The following CORO2B variants were observed in gnomAD, a reference collection of about 807,000 sequenced individuals.
CORO2B encodes coronin 2B.
In CORO2B, 26 loss-of-function variants were observed where a neutral mutation model predicts 58.8. The observed-to-expected ratio is 0.44, with a 90% confidence interval of 0.32 to 0.61. The LOEUF (loss-of-function observed/expected upper bound fraction) is 0.61, where lower values mean the gene tolerates loss of function less well. CORO2B is among the 20% of genes least tolerant of loss of function. CORO2B has a pLI of 0.04. For missense variants in CORO2B, 460 were observed against 645.1 expected, an observed-to-expected ratio of 0.71 and a Z score of 3.11; for synonymous variants, 242 against 253.8, an observed-to-expected ratio of 0.95 and a Z score of 0.44.
chr15:68,682,541 C>T (rs766385054), intron 2 of CORO2B, among the ~76,000 whole-genome samples: 17 of 152,126 alleles, frequency 1.1e-4, no homozygotes, highest in South Asian at 2.1e-4. Context: ...ATTCTCTGAT[C>T]GACTGGTAGG....
intron 11 of CORO2B, among the ~76,000 whole-genome samples, chr15:68,722,739 A>T (rs1251660648): frequency 2.6e-5 from 4 of 152,178 alleles, no homozygotes; most frequent in Non-Finnish European, 5.9e-5. Flanking sequence ...AACAAAAAAT[A>T]TTTTTTTAAG....
At position 68,670,178 on chromosome 15, in the gene CORO2B, G is replaced by GACT. The variant is rs201511457; in HGVS notation, c.216+24818_216+24819insACT. 4.6e-5 allele frequency among the ~76,000 whole-genome samples: 7 copies of GACT among 152,160 alleles called. No individual in the cohort carries two copies. In the East Asian group the frequency reaches 1.4e-3, roughly 29 times the overall value. ...AGATGGCAAAGCAGAAGTACTTAGTGGTTTGTTTTGTTTTGAGACAGGATC... is the reference window on the plus strand; with the variant it reads ...AGATGGCAAAGCAGAAGTACTTAGTGACTGTTTGTTTTGTTTTGAGACAGGATC... On this transcript the variant is annotated intron_variant, in intron 2 of 11. Coordinates refer to ENST00000261861, the MANE Select transcript of CORO2B (RefSeq NM_006091.5).
intron 1 of CORO2B, among the ~76,000 whole-genome samples, chr15:68,597,234 T>C (rs2140236876): frequency 6.6e-6 from 1 of 152,330 alleles, no homozygotes; most frequent in Non-Finnish European, 1.5e-5. Context: ...TTTTCCAGGC[T>C]GGCCTGGTTT....
intron 1 of CORO2B, among the ~76,000 whole-genome samples, chr15:68,580,222 G>T (rs1239582736): frequency 1.3e-5 from 2 of 152,242 alleles, no homozygotes; most frequent in East Asian, 1.9e-4. Flanking sequence ...TCTTCAGAGA[G>T]ATCTGTCTGG....
chr15:68,626,046 C>T (rs1900672308), intron 1 of CORO2B, among the ~76,000 whole-genome samples: 1 of 152,192 alleles, frequency 6.6e-6, no homozygotes, highest in African/African-American at 2.4e-5. Context: ...AGCTTTCATC[C>T]AGAAATGCTG....
At chr15:68,662,255 T>C (rs1902040899) in intron 2 of CORO2B, among the ~76,000 whole-genome samples, 1 of 152,180 alleles carries the variant, frequency 6.6e-6, no homozygotes, top group African/African-American at 2.4e-5. Context: ...TGTTTTCATA[T>C]AATGATTTCA....
At chr15:68,616,286 A>G (rs1432847755) in intron 1 of CORO2B, among the ~76,000 whole-genome samples, 1 of 152,226 alleles carries the variant, frequency 6.6e-6, no homozygotes, top group East Asian at 1.9e-4. Flanking sequence ...TTCGGGGGAA[A>G]AAGGGTTAAG....
At chr15:68,696,666 C>T (rs1265132956) in intron 3 of CORO2B, among the ~76,000 whole-genome samples, 6 of 151,922 alleles carry the variant, frequency 3.9e-5, no homozygotes, top group East Asian at 1.9e-4. Context: ...GGTCAGAGGG[C>T]GCTGGCAGTG....
chr15:68,665,432 G>T (rs1902161816), intron 2 of CORO2B, among the ~76,000 whole-genome samples: 1 of 151,774 alleles, frequency 6.6e-6, no homozygotes, highest in Non-Finnish European at 1.5e-5. Flanking sequence ...ACTCATTGTG[G>T]TCTTTTCTCA....
intron 1 of CORO2B, among the ~76,000 whole-genome samples, chr15:68,635,801 C>T (rs993827789): frequency 1.3e-5 from 2 of 152,184 alleles, no homozygotes; most frequent in Non-Finnish European, 2.9e-5. Context: ...ATCTGGAGCT[C>T]CAACGGGACT....
chr15:68,630,102 T>C (rs1045126694), intron 1 of CORO2B, among the ~76,000 whole-genome samples: 4 of 152,178 alleles, frequency 2.6e-5, no homozygotes, highest in African/African-American at 9.7e-5. Flanking sequence ...TCTGCATCCA[T>C]TACCTCGTTT....
At chr15:68,600,524 G>A (rs764573765) in intron 1 of CORO2B, among the ~76,000 whole-genome samples, 1 of 152,190 alleles carries the variant, frequency 6.6e-6, no homozygotes, top group African/African-American at 2.4e-5. Context: ...GAAAGACAAA[G>A]CGGTCTTTGT....
chr15:68,601,720 T>C (rs999245719), intron 1 of CORO2B, among the ~76,000 whole-genome samples: 1 of 152,120 alleles, frequency 6.6e-6, no homozygotes, highest in Non-Finnish European at 1.5e-5. Context: ...ATGAGGGCTT[T>C]GAGGAGCAGA....
the CORO2B span, among the ~76,000 whole-genome samples, chr15:68,553,171 A>T: frequency 1.3e-5 from 2 of 152,306 alleles, no homozygotes; most frequent in East Asian, 3.9e-4. Context: ...GAAGAAAGGC[A>T]CCACATCCAT....
intron 3 of CORO2B, among the ~76,000 whole-genome samples, chr15:68,702,821 C>CTTTTTTTTTTTTTTTTTTTTTTTTT (rs113249272): frequency 8.3e-5 from 8 of 96,256 alleles, no homozygotes; most frequent in Admixed American, 1.2e-4. Flanking sequence ...TTTTCTTTTT[C>CTTTTTTTTTTTTTTTTTTTTTTTTT]TTTTTTTTTT....
intron 2 of CORO2B, among the ~76,000 whole-genome samples, chr15:68,647,988 C>T (rs1479780061): frequency 7.0e-6 from 1 of 141,898 alleles, no homozygotes; most frequent in Non-Finnish European, 1.5e-5. Context: ...TGATCACTCC[C>T]CTGCACTCCA....
intron 1 of CORO2B, among the ~76,000 whole-genome samples, chr15:68,639,845 G>T (rs538300048): frequency 6.6e-6 from 1 of 152,262 alleles, no homozygotes; most frequent in East Asian, 1.9e-4. Context: ...TGTGCTCATT[G>T]GTCCTAAAAG....
At chr15:68,623,257 G>A (rs1029003189) in intron 1 of CORO2B, among the ~76,000 whole-genome samples, 6 of 152,196 alleles carry the variant, frequency 3.9e-5, no homozygotes, top group Admixed American at 3.3e-4. Context: ...GAACCGGCCC[G>A]GCTCTTTTAA....
intron 3 of CORO2B, among the ~76,000 whole-genome samples, chr15:68,698,418 C>G (rs1892564440): frequency 6.6e-6 from 1 of 152,188 alleles, no homozygotes. Context: ...CTGACCAGTC[C>G]TAGCTCGGCG....
Sources: allele counts gnomAD v4.1 joint callset (sites outside exome capture counted in the v4.1 genomes callset), GRCh38; gene constraint gnomAD v4.1.1; transcripts MANE v1.5; gene names NCBI Gene and HGNC (gene_info 2026-07-23, HGNC 2026-07-21).